The following CAMK2D variants were observed in gnomAD, a reference collection of about 807,000 sequenced individuals.
The protein encoded by CAMK2D is calcium/calmodulin-dependent protein kinase type II subunit delta.
A neutral mutation model predicts 84.0 loss-of-function variants in CAMK2D; 37 were observed. That is an observed-to-expected ratio of 0.44 (90% CI 0.34 to 0.58). The LOEUF (loss-of-function observed/expected upper bound fraction) is 0.58, where lower values mean the gene tolerates loss of function less well. Among genes scored for constraint, CAMK2D ranks in the 20% least tolerant of loss-of-function variants. CAMK2D has a pLI of 0.02. For missense variants in CAMK2D, 448 were observed against 652.5 expected (o/e 0.69, Z 3.41); for synonymous variants, 202 against 212.5 (o/e 0.95, Z 0.43).
chr4:113,627,404 G>A (rs1253434419), intron 3 of CAMK2D, among the ~76,000 whole-genome samples: 1 of 152,028 alleles, frequency 6.6e-6, no homozygotes, highest in Non-Finnish European at 1.5e-5. Context: ...CTGTTCCTGG[G>A]GGAAATACAG....
chr4:113,744,824 C>T (rs1332526367), intron 2 of CAMK2D, among the ~76,000 whole-genome samples: 2 of 152,178 alleles, frequency 1.3e-5, no homozygotes, highest in Non-Finnish European at 2.9e-5. Context: ...ATTGCATGTT[C>T]TCCAGAGGCA....
chr4:113,643,261 C>T (rs1018715997), intron 3 of CAMK2D, among the ~76,000 whole-genome samples: 2 of 152,056 alleles, frequency 1.3e-5, no homozygotes, highest in African/African-American at 4.8e-5. Flanking sequence ...ATATAAGATA[C>T]AAACATGATA....
At chr4:113,495,759 T>G (rs1311576404) in intron 16 of CAMK2D, among the ~76,000 whole-genome samples, 1 of 152,072 alleles carries the variant, frequency 6.6e-6, no homozygotes, top group Non-Finnish European at 1.5e-5. Flanking sequence ...CACAGTCTCA[T>G]AGCCATAGAA....
At chr4:113,465,807 G>A (rs2097453327) in intron 16 of CAMK2D, among the ~76,000 whole-genome samples, 1 of 152,048 alleles carries the variant, frequency 6.6e-6, no homozygotes, top group Admixed American at 6.6e-5. Context: ...TGGGATTACA[G>A]GTGTGATCTG....
chr4:113,500,483 A>G lies in CAMK2D; in HGVS notation c.1115T>C (p.Ile372Thr). ...KESTESSNTT[I>T]EDEDVKARKQ... ...CATACCTTTCACATCTTCATCCTCA[A>G]TTGTTGTATTTGAACTCTCAGTTGA... is the stretch of plus-strand genomic sequence containing the variant. Residue 372 changes from isoleucine to threonine, a missense_variant, in exon 16 of 21, where the codon ATT (isoleucine) becomes ACT (threonine). Physicochemically the swap from Ile to Thr is moderately conservative, Grantham distance 89. This residue lies in a region of CAMK2D where 219 missense variants were observed against 272.1 expected (regional missense o/e 0.80). Transcript: ENST00000511664. The G allele has an allele frequency of 2.5e-6, 4 of 1,601,798 alleles. No homozygotes were observed. The highest frequency in any genetic ancestry group is 3.4e-6 in the Non-Finnish European group (4 of 1,170,956).
intron 16 of CAMK2D, among the ~76,000 whole-genome samples, chr4:113,466,519 G>A (rs183246193): frequency 2.4e-4 from 37 of 152,126 alleles, no homozygotes; most frequent in African/African-American, 8.4e-4. Context: ...AAAGGATGCC[G>A]ACACTGTGAC....
chr4:113,611,897 C>A (rs532874312), intron 3 of CAMK2D, among the ~76,000 whole-genome samples: 2 of 152,018 alleles, frequency 1.3e-5, no homozygotes, highest in Non-Finnish European at 2.9e-5. Flanking sequence ...TTTGACCATG[C>A]GAGATTATGA....
intron 3 of CAMK2D, among the ~76,000 whole-genome samples, chr4:113,626,769 C>A (rs2099069936): frequency 6.6e-6 from 1 of 152,092 alleles, no homozygotes; most frequent in African/African-American, 2.4e-5. Context: ...CTGGAACAAT[C>A]CACCAGCATC....
chr4:113,576,618 G>T (rs1023897126), intron 4 of CAMK2D, among the ~76,000 whole-genome samples: 4 of 151,666 alleles, frequency 2.6e-5, no homozygotes, highest in Non-Finnish European at 5.9e-5. Context: ...AATTTACTGA[G>T]CATTAAGTTT....
chr4:113,528,155 TAC>T (rs1421590836), intron 8 of CAMK2D, among the ~76,000 whole-genome samples: 1 of 152,130 alleles, frequency 6.6e-6, no homozygotes, highest in African/African-American at 2.4e-5. Context: ...AGTTATATAA[TAC>T]ACTTTGTTTT....
At position 113,537,196 on chromosome 4, in the gene CAMK2D, C is replaced by T. The variant is rs533290017; in HGVS notation, c.517+145G>A. On this transcript the variant is annotated intron_variant, in intron 7 of 20. Transcript: ENST00000511664. ...CCTTTTATGTCAACAAAATTAAATG[C>T]TTATAAAGGCACAATATCTAAAAAT... The T allele has an allele frequency of 1.3e-5, 7 of 524,108 alleles. No individual in the cohort carries two copies. The East Asian group carries it at 1.9e-4, about 14-fold the overall frequency. 32.5% of individuals were successfully genotyped at this position (524,108 alleles called of 1,614,324 possible). A position where few individuals can be genotyped will look rare whatever the true frequency, so the allele number is the denominator to read the frequency against.
chr4:113,494,745 GC>G lies in CAMK2D; in HGVS notation c.1135+5717del, dbSNP rs1420737661. On this transcript the variant is annotated intron_variant, in intron 16 of 20. Transcript: ENST00000511664. The stretch of plus-strand genomic sequence containing the variant: ...CGGGCGCCCCTCCCCCAGCCTCGCT[GC>G]CGCCTTGCAGTTTGATCTCAGACTG... Among the ~76,000 whole-genome samples, 3 of 152,176 alleles carry G rather than the reference GC, an allele frequency of 2.0e-5. 1 individual carries two copies. Among genetic ancestry groups the G allele is most frequent in the African/African-American group, 7.2e-5 (3 of 41,446 alleles).
At chr4:113,474,200 G>A (rs913265352) in intron 16 of CAMK2D, among the ~76,000 whole-genome samples, 81 of 152,302 alleles carry the variant, frequency 5.3e-4, no homozygotes, top group African/African-American at 1.9e-3. Flanking sequence ...TCACATAGGT[G>A]TGGTACCATT....
intron 4 of CAMK2D, among the ~76,000 whole-genome samples, chr4:113,574,400 T>C (rs1451377346): frequency 6.6e-6 from 1 of 152,148 alleles, no homozygotes; most frequent in Non-Finnish European, 1.5e-5. Context: ...CTAAATAAAT[T>C]ATGAGGTTTT....
chr4:113,566,209 G>T (rs2098723094), intron 4 of CAMK2D, among the ~76,000 whole-genome samples: 2 of 152,166 alleles, frequency 1.3e-5, no homozygotes, highest in Non-Finnish European at 2.9e-5. Flanking sequence ...CCAGTTCAAA[G>T]AGCAGGAATC....
chr4:113,529,347 T>C (rs1190602210), intron 8 of CAMK2D, among the ~76,000 whole-genome samples: 4 of 152,344 alleles, frequency 2.6e-5, no homozygotes, highest in African/African-American at 9.6e-5. Flanking sequence ...GTAGTGATGA[T>C]GAATTTATTA....
chr4:113,506,902 C>T (rs946496823), intron 13 of CAMK2D, among the ~76,000 whole-genome samples: 1 of 139,770 alleles, frequency 7.2e-6, no homozygotes, highest in Admixed American at 6.8e-5. Context: ...CCCCCCCCCA[C>T]ACACACACAC....
chr4:113,627,945 A>G (rs1327798713), intron 3 of CAMK2D, among the ~76,000 whole-genome samples: 2 of 152,226 alleles, frequency 1.3e-5, no homozygotes, highest in Non-Finnish European at 2.9e-5. Flanking sequence ...ACTTGCAGTT[A>G]CAGAAACCAC....
At chr4:113,643,795 C>A (rs1389160985) in intron 3 of CAMK2D, among the ~76,000 whole-genome samples, 2 of 152,142 alleles carry the variant, frequency 1.3e-5, no homozygotes, top group East Asian at 3.9e-4. Flanking sequence ...CTGATAAGGG[C>A]CAACAAGTTC....
Sources: gnomAD v4.1 joint callset for allele counts (sites outside exome capture counted in the v4.1 genomes callset) on GRCh38, gnomAD v4.1.1 for gene constraint, gnomAD v4.1.1 regional missense constraint, MANE v1.5 for transcripts, NCBI Gene and HGNC (gene_info 2026-07-23, HGNC 2026-07-21) for gene names.